Variants in DBR1 observed in about 807,000 individuals in gnomAD.
The protein encoded by DBR1 is debranching RNA lariats 1.
In DBR1, 33 loss-of-function variants were observed where a neutral mutation model predicts 45.9. That is an observed-to-expected ratio of 0.72 (90% confidence interval 0.55 to 0.96). The LOEUF (loss-of-function observed/expected upper bound fraction) is 0.96. DBR1 is among the 40% of genes least tolerant of loss of function. The probability of loss-of-function intolerance (pLI) is 0.00; values close to 1 mark genes in which losing one functional copy is unlikely to be tolerated. For synonymous variants in DBR1, 235 were observed against 235.9 expected, an observed-to-expected ratio of 1.00 and a Z score of 0.04; for missense variants, 619 against 667.4, an observed-to-expected ratio of 0.93 and a Z score of 0.80.
In DBR1 at chr3:138,162,203, C is replaced by G; in HGVS notation, c.1321G>C (p.Val441Leu). Residue 441 changes from valine (V) to leucine (L), a missense_variant, in exon 8 of 8, where the codon GTA (valine) becomes CTA (leucine). This residue lies in a region of DBR1 where 182 missense variants were observed against 196.1 expected (regional missense o/e 0.93). Transcript: ENST00000260803. ...GTATTCATGCCACTATGTGCACTTA[C>G]AATACTATCTTCATCTTCTTCTTCA... ...LDEEEDEDSI[V>L]SAHSGMNTPS... 6.2e-7 allele frequency: 1 copy of G among 1,614,162 alleles called. No homozygotes were observed. The highest frequency in any genetic ancestry group is 8.5e-7 in the Non-Finnish European group (1 of 1,180,028).
intron 4 of DBR1, among the ~76,000 whole-genome samples, chr3:138,168,577 T>A (rs895310460): frequency 6.6e-6 from 1 of 151,438 alleles, no homozygotes; most frequent in Non-Finnish European, 1.5e-5. Context: ...TATTAGATAT[T>A]AGATAGATAT....
At chr3:138,167,808 G>A (rs936964452) in intron 4 of DBR1, among the ~76,000 whole-genome samples, 1 of 152,074 alleles carries the variant, frequency 6.6e-6, no homozygotes, top group African/African-American at 2.4e-5. Flanking sequence ...TTAGCTGGAC[G>A]TTGTGGCATC....
rs1487596082 is a variant in DBR1, at chr3:138,163,389, G to A, written c.901C>T (p.Arg301Cys). ...ATDDLINVTG[R>C]LWNMPENNGL... ...TTATTTTCTGGCATATTCCACAGGC[G>A]CCCAGTCACATTAATAAGATCATCC... Residue 301 changes from arginine (R) to cysteine (C), a missense_variant, in exon 7 of 8, where the codon CGC (arginine) becomes TGC (cysteine). Coordinates refer to ENST00000260803, the MANE Select transcript of DBR1 (RefSeq NM_016216.4). 9.3e-6 allele frequency: 15 copies of A among 1,613,462 alleles called. No individual in the cohort carries two copies. Among genetic ancestry groups the A allele is most frequent in the East Asian group, 4.5e-5 (2 of 44,882 alleles).
chr3:138,165,724 G>A (rs191841119), intron 5 of DBR1, among the ~76,000 whole-genome samples: 1 of 151,208 alleles, frequency 6.6e-6, no homozygotes, highest in East Asian at 2.0e-4. Context: ...GCAAGACTCT[G>A]TCTCAAAAAA....
At chr3:138,171,753 G>A (rs1430024615) in intron 2 of DBR1, 40 bp from the exon 3 acceptor site, 2 of 1,396,808 alleles carry the variant, frequency 1.4e-6, no homozygotes, top group Admixed American at 3.4e-5. Context: ...TAGGCAAAAG[G>A]AATCTCTACA....
rs181385502 is a variant in DBR1, at chr3:138,169,448, T to C, written c.489+659A>G. 7.3e-4 allele frequency among the ~76,000 whole-genome samples: 111 copies of C among 152,342 alleles called. 1 individual carries two copies. Among genetic ancestry groups the C allele is most frequent in the Admixed American group, 2.7e-3 (41 of 15,308 alleles). On this transcript the variant is annotated intron_variant, in intron 4 of 7. Transcript: ENST00000260803. The stretch of plus-strand genomic sequence containing the variant: ...CATCTTTACTATTACTTATTTTCTA[T>C]TTAATACCATTACTTAATTACTATT...
rs974387137 is a variant in DBR1 at position 138,161,050 on chromosome 3, T to C, written c.*839A>G. The C allele has an allele frequency of 4.6e-5, 7 of 152,234 alleles. No homozygotes were observed. The highest frequency in any genetic ancestry group is 9.6e-5 in the African/African-American group (4 of 41,468). 9.4% of individuals were successfully genotyped at this position (152,234 alleles called of 1,614,324 possible). On this transcript the variant is annotated 3_prime_UTR_variant, in exon 8 of 8. Transcript: ENST00000260803. ...GTAGTTTATTTCCTGAAATCTTATATACCATCTTCAATTTCAATTTTTATT... is the reference window on the plus strand; with the variant it reads ...GTAGTTTATTTCCTGAAATCTTATACACCATCTTCAATTTCAATTTTTATT...
rs369703825 is a variant in DBR1, at chr3:138,167,221, T to C, written c.574A>G (p.Thr192Ala). 11 of 1,613,838 alleles carry C rather than the reference T, an allele frequency of 6.8e-6. No homozygotes were observed. The highest frequency in any genetic ancestry group is 1.3e-5 in the African/African-American group (1 of 74,920). ...ACTTCTTGTCGGAAAAAAGATTTAGTCTTAAGAAGTTGCTTCTTATTTCCA... is the reference window on the plus strand; with the variant it reads ...ACTTCTTGTCGGAAAAAAGATTTAGCCTTAAGAAGTTGCTTCTTATTTCCA... ...HYGNKKQLLK[T>A]KSFFRQEVEN... Residue 192 changes from threonine to alanine, a missense_variant, in exon 5 of 8, where the codon ACT becomes GCT. Physicochemically the swap from Thr to Ala is moderately conservative, Grantham distance 58 (BLOSUM62 0). Transcript: ENST00000260803.
intron 2 of DBR1, among the ~76,000 whole-genome samples, chr3:138,172,756 C>T (rs1409978870): frequency 6.6e-6 from 1 of 152,168 alleles, no homozygotes; most frequent in African/African-American, 2.4e-5. Flanking sequence ...GACAAATTTC[C>T]TGTTTTCTTC....
chr3:138,162,662 G>C (rs919473287), intron 7 of DBR1, 80 bp from the exon 8 acceptor site: 1 of 1,209,520 alleles, frequency 8.3e-7, no homozygotes, highest in African/African-American at 1.5e-5. Context: ...ACAGACTTCA[G>C]GTGCAAGGAT....
chr3:138,173,811 C>T (rs145145293), intron 1 of DBR1, among the ~76,000 whole-genome samples, 185 bp from the exon 2 acceptor site: 1 of 152,088 alleles, frequency 6.6e-6, no homozygotes, highest in East Asian at 1.9e-4. Flanking sequence ...CCGACACAGG[C>T]GGATCCCCTG....
At chr3:138,167,394 C>A (rs2042935449) in intron 4 of DBR1, 89 bp from the exon 5 acceptor site, 1 of 835,446 alleles carries the variant, frequency 1.2e-6, no homozygotes, top group Middle Eastern at 3.5e-4. Context: ...ACCATACAAC[C>A]ATTCACCCAC....
Position 138,165,519 on chromosome 3 carries a change from G to C in DBR1, c.714+1562C>G, listed in dbSNP as rs552317829. The stretch of plus-strand genomic sequence containing the variant: ...CCGAGGCGGGTGGATCACGAGATCA[G>C]GAGATCGAGACCATCCTGGCTAACA... On this transcript the variant is annotated intron_variant, in intron 5 of 7. Coordinates refer to ENST00000260803, the MANE Select transcript of DBR1 (RefSeq NM_016216.4). 3.3e-5 allele frequency among the ~76,000 whole-genome samples: 5 copies of C among 152,050 alleles called. No individual in the cohort carries two copies. In the East Asian group the frequency reaches 9.7e-4, roughly 30 times the overall value.
chr3:138,169,634 G>T (rs926168678), intron 4 of DBR1, among the ~76,000 whole-genome samples: 3 of 151,868 alleles, frequency 2.0e-5, no homozygotes, highest in Non-Finnish European at 4.4e-5. Flanking sequence ...CGTAATTATT[G>T]AAGTAAAAAA....
rs370524187 is a variant in DBR1 at position 138,170,164 on chromosome 3, T to C, written c.432A>G (p.Ser144=). ...KGHFECPPYN[S]STIRSIYHVR... ...CATGATATATACTCCTGATTGTAGA[T>C]GAATTATAAGGGGGGCACTCAAAAT... Residue 144 remains serine, a synonymous_variant, in exon 4 of 8, where the codon TCA becomes TCG. Transcript: ENST00000260803. 1.0e-5 allele frequency: 16 copies of C among 1,598,280 alleles called. No homozygotes were observed. The highest frequency in any genetic ancestry group is 1.4e-5 in the Non-Finnish European group (16 of 1,170,780).
intron 5 of DBR1, 151 bp downstream of exon 5, chr3:138,166,930 T>C (rs1385040241): frequency 6.7e-6 from 5 of 751,256 alleles, no homozygotes; most frequent in Non-Finnish European, 1.1e-5. Flanking sequence ...TATACTGTTT[T>C]GTAATTGCTT....
In DBR1 at chr3:138,162,033, C is replaced by T. The variant is rs912984574; in HGVS notation, c.1491G>A (p.Val497=). 1 of 1,614,018 alleles carries T rather than the reference C, an allele frequency of 6.2e-7. No homozygotes were observed. The highest frequency in any genetic ancestry group is 1.3e-5 in the African/African-American group (1 of 74,906). The change falls in exon 8 of 8, where the codon GTG becomes GTA. Residue 497 remains valine, a synonymous_variant. Transcript: ENST00000260803. The stretch of plus-strand genomic sequence containing the variant: ...TTAAGTCCTCTCCATTCCCTGACTC[C>T]ACAGTCCCACCAGGTTTCCCCTCTC... ...IDREGKPGGT[V]ESGNGEDLTK...
rs329379 is a variant in DBR1 at position 138,174,902 on chromosome 3, G to T, written c.-107C>A. The T allele has an allele frequency of 0.25, 261,080 of 1,030,622 alleles. 38,352 individuals are homozygous for T. Among genetic ancestry groups the T allele is most frequent in the Non-Finnish European group, 0.29 (207,222 of 710,704 alleles). The allele number at this position is 1,030,622 out of a possible 1,614,324, so 63.8% of individuals were successfully genotyped here. A position where few individuals can be genotyped will look rare whatever the true frequency, so the allele number is the denominator to read the frequency against. On this transcript the variant is annotated 5_prime_UTR_variant, in exon 1 of 8. Transcript: ENST00000260803. ...GCCAACTTTAATAAGTATAGCCACC[G>T]CCTGGGTGTAGACTCCTGCAAAATA...
At chr3:138,163,908 G>A (rs774373355) in intron 5 of DBR1, 50 bp from the exon 6 acceptor site, 2 of 1,335,870 alleles carry the variant, frequency 1.5e-6, no homozygotes, top group Admixed American at 1.7e-5. Context: ...ACAACCACAG[G>A]TAATTCTTCA....
Sources: allele counts gnomAD v4.1 joint callset (sites outside exome capture counted in the v4.1 genomes callset), GRCh38; gene constraint gnomAD v4.1.1; regional missense constraint gnomAD v4.1.1; transcripts MANE v1.5; gene names NCBI Gene and HGNC (gene_info 2026-07-23, HGNC 2026-07-21).